Variants in SORCS3 observed in about 807,000 individuals in gnomAD.
SORCS3 encodes the protein sortilin related VPS10 domain containing receptor 3, also known as VPS10 domain-containing receptor SorCS3.
SORCS3 carries 57 observed loss-of-function variants against 146.3 expected under a neutral mutation model. That is an observed-to-expected ratio of 0.39 (90% CI 0.31 to 0.49). The LOEUF is 0.49. SORCS3 is among the 20% of genes least tolerant of loss of function. SORCS3 has a pLI of 0.92. For missense variants in SORCS3, 1,341 were observed against 1,575.5 expected, an observed-to-expected ratio of 0.85 and a Z score of 2.52; for synonymous variants, 653 against 618.5, an observed-to-expected ratio of 1.06 and a Z score of -0.83.
At chr10:104,934,324 G>C (rs551312606) in intron 3 of SORCS3, among the ~76,000 whole-genome samples, 1 of 152,308 alleles carries the variant, frequency 6.6e-6, no homozygotes, top group African/African-American at 2.4e-5. Context: ...ATAGGTCTAG[G>C]CATTAATGAT....
At chr10:105,170,545 A>G (rs571370313) in intron 13 of SORCS3, among the ~76,000 whole-genome samples, 7 of 152,320 alleles carry the variant, frequency 4.6e-5, no homozygotes, top group Middle Eastern at 3.4e-3. Flanking sequence ...AGCTTTTGAA[A>G]TGGCATTATC....
chr10:105,106,752 T>C (rs1342777032), intron 7 of SORCS3, among the ~76,000 whole-genome samples: 1 of 152,222 alleles, frequency 6.6e-6, no homozygotes, highest in Admixed American at 6.5e-5. Flanking sequence ...AGGAAGGTTC[T>C]GTGGCTTCAA....
intron 1 of SORCS3, among the ~76,000 whole-genome samples, chr10:104,810,241 A>G (rs564660866): frequency 2.7e-4 from 41 of 152,364 alleles, no homozygotes; most frequent in Middle Eastern, 3.4e-3. Flanking sequence ...AAGAAATTAG[A>G]AAATCTGAAA....
chr10:104,853,167 C>T (rs1021594858), intron 2 of SORCS3, among the ~76,000 whole-genome samples: 4 of 152,118 alleles, frequency 2.6e-5, no homozygotes, highest in Non-Finnish European at 4.4e-5. Context: ...GCCATGGTGG[C>T]GGGCACCTGT....
chr10:105,016,134 AATAT>A (rs1355412638), intron 4 of SORCS3, among the ~76,000 whole-genome samples: 45 of 113,670 alleles, frequency 4.0e-4, no homozygotes, highest in South Asian at 1.4e-3. Context: ...ATATTATATA[AATAT>A]ATATATATAT....
chr10:105,224,261 C>T (rs748738749), intron 20 of SORCS3, among the ~76,000 whole-genome samples: 36 of 152,184 alleles, frequency 2.4e-4, no homozygotes, highest in Non-Finnish European at 4.4e-4. Flanking sequence ...CCTCCTTAAT[C>T]CTTGGCAACC....
At chr10:105,045,021 G>GAAAAAAAAAAAAAAAAA (rs35904016) in intron 5 of SORCS3, among the ~76,000 whole-genome samples, 5 of 118,010 alleles carry the variant, frequency 4.2e-5, no homozygotes, top group Middle Eastern at 4.1e-3. Flanking sequence ...TCCAGAATTC[G>GAAAAAAAAAAAAAAAAA]AAAAAAAAAA....
chr10:105,198,885 G>GATGATCCACA (rs1441658939), intron 14 of SORCS3, among the ~76,000 whole-genome samples: 1 of 152,082 alleles, frequency 6.6e-6, no homozygotes, highest in Non-Finnish European at 1.5e-5. Flanking sequence ...TTGTAAATTG[G>GATGATCCACA]ATGATCCACA....
intron 2 of SORCS3, among the ~76,000 whole-genome samples, chr10:104,862,888 A>G (rs1427512259): frequency 6.6e-6 from 1 of 152,198 alleles, no homozygotes; most frequent in East Asian, 1.9e-4. Context: ...TTTAAGATTG[A>G]AGAGTTCCCA....
intron 1 of SORCS3, among the ~76,000 whole-genome samples, chr10:104,724,714 A>G (rs2016600953): frequency 6.6e-6 from 1 of 151,904 alleles, no homozygotes; most frequent in Non-Finnish European, 1.5e-5. Context: ...TTCTTGCTTC[A>G]TTTCATTCAT....
chr10:105,163,883 T>TACACACACACACAC (rs67886313), intron 11 of SORCS3, among the ~76,000 whole-genome samples: 4,600 of 138,610 alleles, frequency 0.033, 90 homozygotes, highest in Non-Finnish European at 0.052. Context: ...GTTACGCACA[T>TACACACACACACAC]ACACACACAC....
intron 9 of SORCS3, 91 bp downstream of exon 9, chr10:105,147,887 A>C (rs2056143242): frequency 8.9e-7 from 1 of 1,120,918 alleles, no homozygotes; most frequent in African/African-American, 1.6e-5. Flanking sequence ...TTCTGGGTTC[A>C]GATTCCAGCT....
chr10:104,660,004 A>G (rs2015680409), intron 1 of SORCS3, among the ~76,000 whole-genome samples: 1 of 152,100 alleles, frequency 6.6e-6, no homozygotes, highest in South Asian at 2.1e-4. Flanking sequence ...ACACTCCTGC[A>G]CTGGCCAGAG....
chr10:105,061,096 A>G (rs946107705), intron 5 of SORCS3, among the ~76,000 whole-genome samples: 2 of 152,190 alleles, frequency 1.3e-5, no homozygotes, highest in Non-Finnish European at 2.9e-5. Flanking sequence ...GTGGCCACCA[A>G]TTTATAGACT....
chr10:104,662,193 G>A (rs2015711484), intron 1 of SORCS3, among the ~76,000 whole-genome samples: 1 of 152,204 alleles, frequency 6.6e-6, no homozygotes, highest in Admixed American at 6.5e-5. Flanking sequence ...CAGAGTTTGT[G>A]AGTGCGGATA....
In SORCS3 at chr10:104,843,773, C is replaced by T. The variant is rs540448661; in HGVS notation, c.695+914C>T. On this transcript the variant is annotated intron_variant, in intron 2 of 26. Coordinates refer to ENST00000369701, the MANE Select transcript of SORCS3 (RefSeq NM_014978.3). ...CACATTGACGTGCAGTCACACTGGT[C>T]GACAGCGGGTCTTATCAGTCACTGG... 3.4e-3 allele frequency among the ~76,000 whole-genome samples: 512 copies of T among 152,338 alleles called. 2 individuals carry two copies. Among genetic ancestry groups the T allele is most frequent in the South Asian group, 0.019 (92 of 4,826 alleles).
intron 5 of SORCS3, among the ~76,000 whole-genome samples, chr10:105,051,413 A>G (rs1012262625): frequency 6.6e-6 from 1 of 152,140 alleles, no homozygotes; most frequent in African/African-American, 2.4e-5. Flanking sequence ...TTTGAGCTCT[A>G]TAGATCTCAC....
At chr10:104,656,202 C>G (rs1207531436) in intron 1 of SORCS3, among the ~76,000 whole-genome samples, 1 of 151,932 alleles carries the variant, frequency 6.6e-6, no homozygotes, top group Non-Finnish European at 1.5e-5. Context: ...GCATAGTGTT[C>G]TGGGCATATG....
intron 2 of SORCS3, among the ~76,000 whole-genome samples, chr10:104,884,683 TGG>T (rs2018664144): frequency 6.6e-6 from 1 of 151,998 alleles, no homozygotes; most frequent in African/African-American, 2.4e-5. Flanking sequence ...AGAGGTAATT[TGG>T]GTACAAAATT....
Sources: gnomAD v4.1 joint callset for allele counts (sites outside exome capture counted in the v4.1 genomes callset) on GRCh38, gnomAD v4.1.1 for gene constraint, MANE v1.5 for transcripts, NCBI Gene and HGNC (gene_info 2026-07-23, HGNC 2026-07-21) for gene names.